SLC44A1: variants seen among roughly 807,000 people sequenced by gnomAD.
The protein encoded by SLC44A1 is choline transporter-like protein 1.
In SLC44A1, 26 loss-of-function variants were observed where a neutral mutation model predicts 79.3. That is an observed-to-expected ratio of 0.33 (90% CI 0.24 to 0.46). The LOEUF is 0.46. SLC44A1 is among the 20% of genes least tolerant of loss of function. The pLI is 1.00. For synonymous variants in SLC44A1, 263 were observed against 286.2 expected (o/e 0.92, Z 0.82); for missense variants, 688 against 798.1 (o/e 0.86, Z 1.66).
chr9:105,257,448 C>G (rs2131205227), intron 1 of SLC44A1, among the ~76,000 whole-genome samples: 1 of 152,102 alleles, frequency 6.6e-6, no homozygotes, highest in Non-Finnish European at 1.5e-5. Flanking sequence ...CCAGGCTGGC[C>G]TCAAATTCCT....
chr9:105,386,506 C>CCACAGGCAGCAAGT, intron 15 of SLC44A1: 2 of 818,360 alleles, frequency 2.4e-6, no homozygotes, highest in Non-Finnish European at 3.0e-6. Context: ...AACTTGCTGC[C>CCACAGGCAGCAAGT]TGTGGGCCGC....
At chr9:105,435,337 A>G (rs1829450088) in intron 15 of SLC44A1, among the ~76,000 whole-genome samples, 1 of 152,218 alleles carries the variant, frequency 6.6e-6, no homozygotes, top group African/African-American at 2.4e-5. Flanking sequence ...CTGTTGCAAC[A>G]AGGCTGGGTG....
intron 1 of SLC44A1, among the ~76,000 whole-genome samples, chr9:105,273,284 G>A (rs995545554): frequency 4.6e-5 from 7 of 152,102 alleles, no homozygotes; most frequent in Admixed American, 3.9e-4. Flanking sequence ...GGGCCACTGC[G>A]CCCAGCCCGA....
chr9:105,419,713 G>A (rs1829218586), intron 15 of SLC44A1, among the ~76,000 whole-genome samples: 1 of 151,964 alleles, frequency 6.6e-6, no homozygotes, highest in Non-Finnish European at 1.5e-5. Flanking sequence ...TCAGGAGTTC[G>A]AGACCAGCCT....
chr9:105,368,725 G>A (rs570190367), intron 12 of SLC44A1, among the ~76,000 whole-genome samples: 6 of 152,130 alleles, frequency 3.9e-5, no homozygotes, highest in South Asian at 2.1e-4. Flanking sequence ...TGTAAACTAC[G>A]ACAATTATGT....
Position 105,365,580 on chromosome 9 carries a change from A to G in SLC44A1, c.1351A>G (p.Thr451Ala), listed in dbSNP as rs558857628. The G allele has an allele frequency of 6.2e-7, 1 of 1,613,680 alleles. No homozygotes were observed. Among genetic ancestry groups the G allele is most frequent in the African/African-American group, 1.3e-5 (1 of 75,024 alleles). The stretch of plus-strand genomic sequence containing the variant: ...GGTGGCAAAAGGATCTTTCATTATC[A>G]CATTAGTCAAAATTCCGCGAATGAT... The part of the protein sequence containing the change: ...GTVAKGSFII[T>A]LVKIPRMILM... The change falls in exon 11 of 16, where the codon ACA becomes GCA. Residue 451 changes from threonine to alanine, a missense_variant. Transcript: ENST00000374720.
downstream of SLC44A1, among the ~76,000 whole-genome samples, chr9:105,399,231 C>A (rs530444516): frequency 2.6e-5 from 4 of 152,334 alleles, no homozygotes; most frequent in Non-Finnish European, 5.9e-5. Flanking sequence ...TAGACCATTT[C>A]ATGGGCTTAT....
At chr9:105,384,264 A>C (rs1451248790) in intron 14 of SLC44A1, among the ~76,000 whole-genome samples, 5 of 151,914 alleles carry the variant, frequency 3.3e-5, no homozygotes, top group African/African-American at 9.7e-5. Context: ...TGGCTCTGCA[A>C]CCTCTACCTC....
chr9:105,364,604 G>A lies in SLC44A1; in HGVS notation c.1137G>A (p.Gly379=), dbSNP rs1483906450. 2.5e-6 allele frequency: 4 copies of A among 1,613,900 alleles called. No individual in the cohort carries two copies. The highest frequency in any genetic ancestry group is 1.3e-5 in the African/African-American group (1 of 74,906). ...GCTTTGTGGAGTTCAAAATTTCTGG[G>A]CCTCTGCAGTACATGTGGTGGTACC... The part of the protein sequence containing the change: ...EQGFVEFKIS[G]PLQYMWWYHV... Residue 379 remains glycine (G), a synonymous_variant, in exon 10 of 16, where the codon GGG becomes GGA. Coordinates refer to ENST00000374720, the MANE Select transcript of SLC44A1 (RefSeq NM_080546.5).
intron 15 of SLC44A1, 113 bp downstream of exon 15, chr9:105,385,615 C>A: frequency 6.7e-7 from 1 of 1,492,930 alleles, no homozygotes; most frequent in Admixed American, 2.3e-5. Flanking sequence ...ATCTGTATCA[C>A]GCAGGACATG....
At chr9:105,280,906 G>A (rs1019699533) in intron 1 of SLC44A1, among the ~76,000 whole-genome samples, 2 of 152,226 alleles carry the variant, frequency 1.3e-5, no homozygotes, top group African/African-American at 4.8e-5. Flanking sequence ...TGTCTCTCAT[G>A]AGCTGGTGTG....
chr9:105,345,891 T>C (rs1489427402), intron 4 of SLC44A1, among the ~76,000 whole-genome samples: 1 of 152,020 alleles, frequency 6.6e-6, no homozygotes, highest in African/African-American at 2.4e-5. Flanking sequence ...TACTTTTCAT[T>C]ACTCATGTAT....
At chr9:105,291,483 A>G (rs80131239) in intron 1 of SLC44A1, among the ~76,000 whole-genome samples, 1,779 of 152,298 alleles carry the variant, frequency 0.012, 34 homozygotes, top group African/African-American at 0.041. Context: ...GACAGTGAAA[A>G]CTACAGCAGA....
At chr9:105,407,946 C>G (rs971268516) in intron 15 of SLC44A1, among the ~76,000 whole-genome samples, 1 of 149,548 alleles carries the variant, frequency 6.7e-6, no homozygotes, top group African/African-American at 2.5e-5. Flanking sequence ...GCAGGTGGAT[C>G]ACCTGAGGTC....
At chr9:105,317,293 C>G (rs1588771748) in intron 3 of SLC44A1, among the ~76,000 whole-genome samples, 1 of 152,136 alleles carries the variant, frequency 6.6e-6, no homozygotes, top group Non-Finnish European at 1.5e-5. Flanking sequence ...GTTGAAGACT[C>G]TCAGCCAGTG....
intron 4 of SLC44A1, among the ~76,000 whole-genome samples, chr9:105,340,045 G>GA (rs1827039773): frequency 6.6e-6 from 1 of 152,018 alleles, no homozygotes; most frequent in East Asian, 1.9e-4. Flanking sequence ...GAAGGAGAGG[G>GA]AAAAAGGGAG....
At chr9:105,347,355 C>T (rs7858401) in intron 4 of SLC44A1, among the ~76,000 whole-genome samples, 7,038 of 152,002 alleles carry the variant, frequency 0.046, 223 homozygotes, top group South Asian at 0.1. Flanking sequence ...CAAATATAAA[C>T]AGTTTATGTG....
Position 105,319,227 on chromosome 9 carries a change from C to T in SLC44A1, c.269+9361C>T, listed in dbSNP as rs553652221. On this transcript the variant is annotated intron_variant, in intron 3 of 15. Coordinates refer to ENST00000374720, the MANE Select transcript of SLC44A1 (RefSeq NM_080546.5). ...CAGGGGTCCATAAAACCACCTATTT[C>T]CTGGCAAATTATTTGCCAGGAAGAC... Among the ~76,000 whole-genome samples the T allele has an allele frequency of 2.0e-5, 3 of 152,120 alleles. No homozygotes were observed. The East Asian group carries it at 5.8e-4, about 29-fold the overall frequency.
intron 2 of SLC44A1, among the ~76,000 whole-genome samples, chr9:105,300,718 A>G (rs1349246447): frequency 6.6e-6 from 1 of 152,132 alleles, no homozygotes; most frequent in Non-Finnish European, 1.5e-5. Flanking sequence ...ACTTAGTTTA[A>G]TGGAATGGCA....
Sources: gnomAD v4.1 joint callset for allele counts (sites outside exome capture counted in the v4.1 genomes callset) on GRCh38, gnomAD v4.1.1 for gene constraint, MANE v1.5 for transcripts, NCBI Gene and HGNC (gene_info 2026-07-23, HGNC 2026-07-21) for gene names.